Variants in CDH7 observed in about 807,000 individuals in gnomAD.
The protein encoded by CDH7 is cadherin-7.
CDH7 carries 25 observed loss-of-function variants against 71.8 expected under a neutral mutation model. The observed-to-expected ratio is 0.35, with a 90% CI of 0.25 to 0.49. The LOEUF is 0.49. CDH7 is among the 20% of genes least tolerant of loss of function. The pLI is 0.99. For missense variants in CDH7, 862 were observed against 974.6 expected (o/e 0.88, Z 1.54); for synonymous variants, 381 against 363.8 (o/e 1.05, Z -0.54).
intron 2 of CDH7, among the ~76,000 whole-genome samples, chr18:65,763,583 T>C: frequency 7.1e-6 from 1 of 141,302 alleles, no homozygotes; most frequent in Admixed American, 7.0e-5. Flanking sequence ...GCAGTCTTGT[T>C]TTGATAGGGG....
chr18:65,860,788 A>G (rs1371434117), intron 10 of CDH7, among the ~76,000 whole-genome samples: 2 of 152,338 alleles, frequency 1.3e-5, no homozygotes, highest in South Asian at 2.1e-4. Context: ...GCATGAAGCC[A>G]TCACCTTATT....
intron 6 of CDH7, among the ~76,000 whole-genome samples, chr18:65,826,658 C>T (rs546162533): frequency 1.6e-3 from 246 of 151,292 alleles, no homozygotes; most frequent in African/African-American, 5.8e-3. Context: ...ACCTTCACTG[C>T]TTTTTCAATA....
chr18:65,845,255 G>T (rs1185726073), intron 7 of CDH7, among the ~76,000 whole-genome samples: 2 of 149,252 alleles, frequency 1.3e-5, no homozygotes, highest in Non-Finnish European at 2.9e-5. Context: ...TAAAGGATTG[G>T]TATAGAAAAA....
intron 5 of CDH7, among the ~76,000 whole-genome samples, chr18:65,822,528 A>C (rs974395484): frequency 1.1e-4 from 17 of 148,010 alleles, no homozygotes; most frequent in African/African-American, 4.2e-4. Context: ...ACAATTATTA[A>C]TTGTGTTTAT....
intron 11 of CDH7, among the ~76,000 whole-genome samples, chr18:65,876,977 G>A (rs113161383): frequency 2.2e-4 from 34 of 152,220 alleles, no homozygotes; most frequent in African/African-American, 7.7e-4. Flanking sequence ...TGACACAAAA[G>A]AGAAATGATA....
intron 2 of CDH7, among the ~76,000 whole-genome samples, chr18:65,771,993 C>T (rs1345540851): frequency 6.6e-6 from 1 of 152,108 alleles, no homozygotes; most frequent in Non-Finnish European, 1.5e-5. Flanking sequence ...TGATTAACAT[C>T]ATTCTAGCAA....
At chr18:65,814,356 T>TA in intron 3 of CDH7, 129 bp from the exon 4 acceptor site, 2 of 968,772 alleles carry the variant, frequency 2.1e-6, no homozygotes, top group Admixed American at 3.8e-5. Context: ...TCCATTTTTT[T>TA]ATGTGTCTTG....
At chr18:65,867,552 GT>G (rs920386207) in intron 11 of CDH7, among the ~76,000 whole-genome samples, 4 of 151,962 alleles carry the variant, frequency 2.6e-5, no homozygotes, top group African/African-American at 9.7e-5. Context: ...AATTTCAACT[GT>G]TTTGTTTAAA....
intron 6 of CDH7, among the ~76,000 whole-genome samples, chr18:65,829,983 C>A (rs531744666): frequency 6.6e-6 from 1 of 152,036 alleles, no homozygotes; most frequent in African/African-American, 2.4e-5. Flanking sequence ...GCCAACTGGT[C>A]AGTCCTACCA....
Position 65,777,254 on chromosome 18 carries a change from G to A in CDH7, c.210+14202G>A, listed in dbSNP as rs538399624. Among the ~76,000 whole-genome samples, 83 of 152,210 alleles carry A rather than the reference G, an allele frequency of 5.5e-4. 1 individual carries two copies. The South Asian group carries it at 0.016, about 29-fold the overall frequency. On this transcript the variant is annotated intron_variant, in intron 2 of 11. Coordinates refer to ENST00000397968, the MANE Select transcript of CDH7 (RefSeq NM_004361.5). ...AAAGCTGAAGGAAATGTGAAGACGAGTATTTCTTCATAAACAAAAATAATT... is the reference window on the plus strand; with the variant it reads ...AAAGCTGAAGGAAATGTGAAGACGAATATTTCTTCATAAACAAAAATAATT...
intron 2 of CDH7, among the ~76,000 whole-genome samples, chr18:65,801,373 G>A (rs1911117905): frequency 6.6e-6 from 1 of 152,106 alleles, no homozygotes; most frequent in Non-Finnish European, 1.5e-5. Context: ...GTTTTAACGT[G>A]GTACTTCAAA....
intron 6 of CDH7, among the ~76,000 whole-genome samples, chr18:65,834,771 C>T (rs1208057814): frequency 6.6e-6 from 1 of 152,176 alleles, no homozygotes; most frequent in Non-Finnish European, 1.5e-5. Context: ...CGAGATCTGA[C>T]TTCTTCCCGA....
At position 65,861,756 on chromosome 18, in the gene CDH7, A is replaced by T. The variant is rs532747223; in HGVS notation, c.1613-910A>T. Among the ~76,000 whole-genome samples the T allele has an allele frequency of 6.2e-4, 94 of 152,252 alleles. 1 individual carries two copies. Among genetic ancestry groups the T allele is most frequent in the Middle Eastern group, 3.4e-3 (1 of 292 alleles). ...TCACTAGAGTACCGTTAATTTTTTC[A>T]TGCTATCATTGAATAAATCTTTTTG... is the stretch of plus-strand genomic sequence containing the variant. On this transcript the variant is annotated intron_variant, in intron 10 of 11. Transcript: ENST00000397968.
intron 7 of CDH7, among the ~76,000 whole-genome samples, chr18:65,850,965 C>T (rs1367079088): frequency 6.6e-6 from 1 of 151,938 alleles, no homozygotes; most frequent in African/African-American, 2.4e-5. Flanking sequence ...GCAGATACCA[C>T]CACGCCCAGC....
intron 2 of CDH7, among the ~76,000 whole-genome samples, chr18:65,787,839 A>C (rs773251137): frequency 3.1e-4 from 47 of 152,060 alleles, no homozygotes; most frequent in Non-Finnish European, 4.4e-4. Context: ...TCTGAGCCTA[A>C]CAGGACTATT....
rs529290735 is a variant in CDH7 at position 65,870,319 on chromosome 18, C to T, written c.1864+7402C>T. Among the ~76,000 whole-genome samples the T allele has an allele frequency of 3.3e-5, 5 of 152,306 alleles. No homozygotes were observed. In the South Asian group the frequency reaches 1.0e-3, roughly 32 times the overall value. On this transcript the variant is annotated intron_variant, in intron 11 of 11. Coordinates refer to ENST00000397968, the MANE Select transcript of CDH7 (RefSeq NM_004361.5). ...TGTTACTGGGGATCTGCATGAGCCT[C>T]AGATTCCATAGCACGTAAATCCACT...
intron 6 of CDH7, among the ~76,000 whole-genome samples, chr18:65,827,557 G>A (rs1912177923): frequency 1.3e-5 from 2 of 151,810 alleles, no homozygotes; most frequent in Non-Finnish European, 3.0e-5. Context: ...ATATCATTTT[G>A]AGCCTAAACA....
rs139333396 is a variant in CDH7, at chr18:65,843,955, T to C, written c.1125T>C (p.Pro375=). The change falls in exon 7 of 12, where the codon CCT becomes CCC. Residue 375 remains proline (P), a synonymous_variant. Coordinates refer to ENST00000397968, the MANE Select transcript of CDH7 (RefSeq NM_004361.5). ...TTGTGGAAGATGTAGATGAGCCCCC[T>C]GTGTTCTCTTCACCCTTGTACCCTA... is the stretch of plus-strand genomic sequence containing the variant. ...KIIVEDVDEP[P]VFSSPLYPME... is the part of the protein sequence containing the mutation. 1.0e-3 allele frequency: 1,667 copies of C among 1,612,426 alleles called. No individual in the cohort carries two copies. Among genetic ancestry groups the C allele is most frequent in the Non-Finnish European group, 1.3e-3 (1,503 of 1,179,024 alleles).
chr18:65,809,873 G>C lies in CDH7; in HGVS notation c.380G>C (p.Arg127Thr), dbSNP rs1283024959. The change falls in exon 3 of 12, where the codon AGG (arginine) becomes ACG (threonine). Residue 127 changes from arginine (R) to threonine (T), a missense_variant. By Grantham distance (71) the Arg-to-Thr change is moderately conservative. Coordinates refer to ENST00000397968, the MANE Select transcript of CDH7 (RefSeq NM_004361.5). ...ACGCTCCGAGCTCAAGCGCTGGATA[G>C]GCTCACCAACAAACCCGTGGAGCCC... ...YYTLRAQALD[R>T]LTNKPVEPES... 6.2e-7 allele frequency: 1 copy of C among 1,613,968 alleles called. No homozygotes were observed. Among genetic ancestry groups the C allele is most frequent in the East Asian group, 2.2e-5 (1 of 44,848 alleles).
Sources: gnomAD v4.1 joint callset for allele counts (sites outside exome capture counted in the v4.1 genomes callset) on GRCh38, gnomAD v4.1.1 for gene constraint, MANE v1.5 for transcripts, NCBI Gene and HGNC (gene_info 2026-07-23, HGNC 2026-07-21) for gene names.